Variants in WNT9B observed in about 807,000 individuals in gnomAD.
WNT9B encodes the protein protein Wnt-9b.
In WNT9B, 12 loss-of-function variants were observed where a neutral mutation model predicts 30.2. The ratio of observed to expected loss-of-function variants is 0.40; its 90% CI spans 0.26 to 0.64. WNT9B has a LOEUF of 0.64. Ranked by LOEUF, WNT9B falls within the 30% of genes least tolerant of loss-of-function variation. The pLI, the probability that WNT9B is intolerant of heterozygous loss-of-function variation, is 0.42. For synonymous variants in WNT9B, 218 were observed against 216.9 expected, an observed-to-expected ratio of 1.01 and a Z score of -0.05; for missense variants, 442 against 485.2, an observed-to-expected ratio of 0.91 and a Z score of 0.84.
intron 1 of WNT9B, among the ~76,000 whole-genome samples, chr17:46,860,861 T>C (rs971350697): frequency 5.3e-5 from 8 of 152,206 alleles, no homozygotes; most frequent in African/African-American, 1.7e-4. Flanking sequence ...AATTTCACTT[T>C]TTTTTTATTT....
intron 1 of WNT9B, among the ~76,000 whole-genome samples, chr17:46,862,434 A>G (rs908606601): frequency 3.9e-5 from 6 of 152,108 alleles, no homozygotes; most frequent in Admixed American, 1.3e-4. Context: ...AGGGCTTGCT[A>G]CCGTATGAGT....
intron 1 of WNT9B, among the ~76,000 whole-genome samples, chr17:46,845,096 G>A (rs1264111916): frequency 2.0e-5 from 3 of 152,158 alleles, no homozygotes; most frequent in East Asian, 1.9e-4. Flanking sequence ...TGATCCACTC[G>A]CCTCGGCCTC....
downstream of WNT9B, among the ~76,000 whole-genome samples, chr17:46,881,645 C>T (rs528747525): frequency 4.6e-5 from 7 of 152,186 alleles, no homozygotes; most frequent in Non-Finnish European, 7.3e-5. Flanking sequence ...CAAACAGGCC[C>T]GCAGACCCCT....
chr17:46,859,993 T>C (rs1246180914), intron 1 of WNT9B, among the ~76,000 whole-genome samples: 1 of 152,130 alleles, frequency 6.6e-6, no homozygotes, highest in African/African-American at 2.4e-5. Flanking sequence ...AGAAATTGAA[T>C]TGGGGCCTGA....
chr17:46,862,448 C>T (rs1169666856), intron 1 of WNT9B, among the ~76,000 whole-genome samples: 3 of 152,154 alleles, frequency 2.0e-5, no homozygotes, highest in Middle Eastern at 3.4e-3. Context: ...TATGAGTTCA[C>T]CACAATTGTT....
At chr17:46,864,071 C>T (rs2085090622) in intron 1 of WNT9B, among the ~76,000 whole-genome samples, 1 of 152,346 alleles carries the variant, frequency 6.6e-6, no homozygotes, top group East Asian at 1.9e-4. Flanking sequence ...AAGGCATTCC[C>T]CAGAGGCCTG....
chr17:46,871,085 A>G (rs1024964750), intron 1 of WNT9B, among the ~76,000 whole-genome samples: 12 of 151,270 alleles, frequency 7.9e-5, no homozygotes, highest in African/African-American at 2.9e-4. Context: ...TAATTTTTCT[A>G]TTTTTAGTAG....
At chr17:46,882,231 G>A (rs1008648507), downstream of WNT9B, among the ~76,000 whole-genome samples, 2 of 152,276 alleles carry the variant, frequency 1.3e-5, no homozygotes, top group Admixed American at 6.5e-5. Flanking sequence ...GGCATTGCAC[G>A]TTGTTTTCAT....
Position 46,877,078 on chromosome 17 carries a change from T to A in WNT9B, c.*360T>A, listed in dbSNP as rs985538489. ...ATTCCATCTTGCTTCCTGGGATGAA[T>A]GGCTTGGAGCCAGCATGTTCTTGGG... On this transcript the variant is annotated 3_prime_UTR_variant, in exon 4 of 4. Transcript: ENST00000290015. The A allele has an allele frequency of 1.7e-5, 18 of 1,069,210 alleles. No individual in the cohort carries two copies. Among genetic ancestry groups the A allele is most frequent in the Non-Finnish European group, 2.0e-5 (18 of 884,044 alleles). 66.2% of individuals were successfully genotyped at this position (1,069,210 alleles called of 1,614,324 possible). A position where few individuals can be genotyped will look rare whatever the true frequency, so the allele number is the denominator to read the frequency against.
intron 1 of WNT9B, among the ~76,000 whole-genome samples, chr17:46,868,246 T>C (rs2085173497): frequency 6.6e-6 from 1 of 152,218 alleles, no homozygotes; most frequent in Non-Finnish European, 1.5e-5. Context: ...TGGTTACTTG[T>C]TTAACTGATC....
chr17:46,838,237 G>A (rs1203102812), intron 1 of WNT9B, among the ~76,000 whole-genome samples: 2 of 151,950 alleles, frequency 1.3e-5, no homozygotes, highest in African/African-American at 4.8e-5. Context: ...CACATAATTG[G>A]TGGTAAGGTG....
intron 1 of WNT9B, among the ~76,000 whole-genome samples, chr17:46,853,669 GT>G (rs1307995277): frequency 6.6e-6 from 1 of 152,024 alleles, no homozygotes; most frequent in African/African-American, 2.4e-5. Context: ...GGCCTGGCTA[GT>G]TTTTTTCATT....
At chr17:46,837,445 G>C (rs1052921311) in intron 1 of WNT9B, among the ~76,000 whole-genome samples, 3 of 152,192 alleles carry the variant, frequency 2.0e-5, no homozygotes, top group Admixed American at 6.5e-5. Context: ...GAATCAGCAA[G>C]CACCAGGCCA....
chr17:46,851,569 G>A, upstream of WNT9B: 1 of 866,928 alleles, frequency 1.2e-6, no homozygotes, highest in Non-Finnish European at 1.5e-6. This position sits in a 1 kb window ranked among gnomAD's most constrained non-coding sequence, Gnocchi z 4.3. Flanking sequence ...AGTCCCGCGG[G>A]CGGGTGGTGG....
intron 1 of WNT9B, among the ~76,000 whole-genome samples, chr17:46,838,148 G>A (rs192168831): frequency 2.0e-5 from 3 of 152,184 alleles, no homozygotes; most frequent in African/African-American, 2.4e-5. Flanking sequence ...AGCCTTCTCT[G>A]TGTCACTGGC....
upstream of WNT9B, among the ~76,000 whole-genome samples, chr17:46,850,414 C>CACCT (rs2084827116): frequency 6.6e-6 from 1 of 152,174 alleles, no homozygotes; most frequent in Admixed American, 6.5e-5. Context: ...CTGTTAATGC[C>CACCT]ACCTAACACG....
chr17:46,872,692 G>A lies in WNT9B; in HGVS notation c.253G>A (p.Gly85Ser), dbSNP rs1367754683. The change falls in exon 2 of 4, where the codon GGC (glycine) becomes AGC (serine). Residue 85 changes from glycine to serine, a missense_variant. Gly to Ser is a moderately conservative substitution (Grantham distance 56). Transcript: ENST00000290015. ...AETLRDAAHL[G>S]LLECQFQFRH... ...GACCCTGAGGGATGCTGCGCACCTC[G>A]GCCTGCTTGAGTGCCAGTTTCAGTT... 4 of 1,613,522 alleles carry A rather than the reference G, an allele frequency of 2.5e-6. No individual in the cohort carries two copies. The highest frequency in any genetic ancestry group is 1.7e-5 in the Admixed American group (1 of 60,014).
At chr17:46,851,326 G>A (rs996762860), upstream of WNT9B, among the ~76,000 whole-genome samples, 1 of 151,720 alleles carries the variant, frequency 6.6e-6, no homozygotes, top group African/African-American at 2.4e-5. This position sits in a 1 kb window ranked among gnomAD's most constrained non-coding sequence, Gnocchi z 4.3. Flanking sequence ...GGGGCTTCAC[G>A]TTCAGCCACC....
intron 1 of WNT9B, among the ~76,000 whole-genome samples, chr17:46,859,710 C>T (rs1343967416): frequency 6.6e-6 from 1 of 152,144 alleles, no homozygotes; most frequent in Non-Finnish European, 1.5e-5. Context: ...TTAGTAGTAT[C>T]TCGTCAATAT....
Sources: gnomAD v4.1 joint callset for allele counts (sites outside exome capture counted in the v4.1 genomes callset) on GRCh38, gnomAD v4.1.1 for gene constraint, Gnocchi (gnomAD v3.1) non-coding constraint, MANE v1.5 for transcripts, NCBI Gene and HGNC (gene_info 2026-07-23, HGNC 2026-07-21) for gene names.